Variants in XYLB observed in about 807,000 individuals in gnomAD.
The protein encoded by XYLB is xylulokinase, also known as xylulose kinase.
Under a neutral mutation model 78.7 loss-of-function variants are expected in XYLB, and 62 were observed. The ratio of observed to expected loss-of-function variants is 0.79; its 90% CI spans 0.64 to 0.97. The LOEUF (loss-of-function observed/expected upper bound fraction) is 0.97, where lower values mean the gene tolerates loss of function less well. Ranked by LOEUF, XYLB falls within the 50% of genes least tolerant of loss-of-function variation. The pLI is 0.00. For missense variants in XYLB, 687 were observed against 676.8 expected (o/e 1.02, Z -0.17); for synonymous variants, 245 against 247.4 (o/e 0.99, Z 0.09).
intron 8 of XYLB, among the ~76,000 whole-genome samples, chr3:38,368,490 T>TG (rs896316608): frequency 3.3e-5 from 5 of 152,104 alleles, no homozygotes; most frequent in African/African-American, 1.2e-4. Context: ...GTCAGGAATG[T>TG]GGGGGCAGCT....
intron 13 of XYLB, 138 bp downstream of exon 13, chr3:38,376,370 T>G: frequency 1.5e-6 from 1 of 656,954 alleles, no homozygotes; most frequent in Non-Finnish European, 2.7e-6. Flanking sequence ...TGCACTTATA[T>G]TCCACACATC....
At chr3:38,353,919 T>G (rs1213908850) in intron 2 of XYLB, among the ~76,000 whole-genome samples, 1 of 148,164 alleles carries the variant, frequency 6.7e-6, no homozygotes, top group Non-Finnish European at 1.5e-5. Context: ...CATCTTTACC[T>G]CCATGATTTG....
Position 38,375,226 on chromosome 3 carries a change from C to A in XYLB, c.971C>A (p.Pro324Gln), listed in dbSNP as rs766980634. The A allele has an allele frequency of 3.1e-6, 5 of 1,614,218 alleles. No individual in the cohort carries two copies. In the East Asian group the frequency reaches 1.1e-4, roughly 36 times the overall value. ...PALEGHIFCN[P>Q]VDSQHYMALL... ...CTGGAAGGCCACATCTTCTGCAACC[C>A]GGTTGACTCCCAGCACTACATGGCA... Residue 324 changes from proline (P) to glutamine (Q), a missense_variant, in exon 12 of 19, where the codon CCG becomes CAG. Physicochemically the swap from Pro to Gln is moderately conservative, Grantham distance 76. Coordinates refer to ENST00000207870, the MANE Select transcript of XYLB (RefSeq NM_005108.4).
intron 18 of XYLB, among the ~76,000 whole-genome samples, chr3:38,408,690 AT>A (rs199543530): frequency 0.39 from 58,065 of 149,974 alleles, 13,432 homozygotes; most frequent in Non-Finnish European, 0.53. Flanking sequence ...GCAATAAAAA[AT>A]GATAAAGGGG....
At chr3:38,397,549 G>C (rs1055790135) in intron 17 of XYLB, among the ~76,000 whole-genome samples, 1 of 152,096 alleles carries the variant, frequency 6.6e-6, no homozygotes, top group African/African-American at 2.4e-5. Context: ...AAAGGGGAAG[G>C]CTTCAGGCCC....
chr3:38,356,319 AC>A (rs1705652354), intron 2 of XYLB: 1 of 152,822 alleles, frequency 6.5e-6, no homozygotes, highest in Non-Finnish European at 1.5e-5. Context: ...CATAAAATTC[AC>A]CTTTTAAAAT....
At chr3:38,368,061 G>A (rs1229388887) in intron 7 of XYLB, 124 bp from the exon 8 acceptor site, 6 of 838,386 alleles carry the variant, frequency 7.2e-6, no homozygotes, top group African/African-American at 3.3e-5. Flanking sequence ...CATTACTTGG[G>A]CCTTTTGTTC....
At chr3:38,350,264 A>AT (rs1357964671) in intron 2 of XYLB, among the ~76,000 whole-genome samples, 2 of 152,160 alleles carry the variant, frequency 1.3e-5, no homozygotes, top group African/African-American at 2.4e-5. Context: ...GCTTTCTCAC[A>AT]TTTTTTATTA....
downstream of XYLB, among the ~76,000 whole-genome samples, chr3:38,419,980 C>G (rs559138258): frequency 6.6e-5 from 10 of 152,080 alleles, no homozygotes; most frequent in South Asian, 2.1e-3. Flanking sequence ...CAACCATGCC[C>G]AGCTAATTTT....
At chr3:38,425,446 A>G (rs1709081166), downstream of XYLB, among the ~76,000 whole-genome samples, 1 of 152,254 alleles carries the variant, frequency 6.6e-6, no homozygotes, top group African/African-American at 2.4e-5. Flanking sequence ...AGGAGGATCA[A>G]TGATTATAGG....
downstream of XYLB, among the ~76,000 whole-genome samples, chr3:38,417,165 A>G (rs932324246): frequency 2.6e-5 from 4 of 152,208 alleles, no homozygotes; most frequent in East Asian, 7.7e-4. Context: ...GGCAAGCGTG[A>G]TGGCCCACAC....
Position 38,360,342 on chromosome 3 carries a change from T to G in XYLB, c.144T>G (p.Thr48=). The change falls in exon 3 of 19, where the codon ACT becomes ACG. Residue 48 remains threonine (T), a synonymous_variant. Transcript: ENST00000207870. ...ACATTCTCTGTTGTTCTTGCAGGAC[T>G]CAGGGTGGTGTTCATGTGCACAAGG... ...HFDRDLPEFG[T]QGGVHVHKDG... is the part of the protein sequence containing the mutation. The G allele has an allele frequency of 6.2e-7, 1 of 1,614,096 alleles. No homozygotes were observed. Among genetic ancestry groups the G allele is most frequent in the Non-Finnish European group, 8.5e-7 (1 of 1,179,968 alleles).
intron 15 of XYLB, among the ~76,000 whole-genome samples, chr3:38,384,250 G>A (rs923619577): frequency 1.3e-5 from 2 of 152,090 alleles, no homozygotes; most frequent in African/African-American, 4.8e-5. Flanking sequence ...ATTTTTAGTA[G>A]AGACGGGGTT....
the XYLB span, among the ~76,000 whole-genome samples, chr3:38,445,602 G>T: frequency 6.6e-5 from 10 of 152,198 alleles, no homozygotes; most frequent in African/African-American, 2.2e-4. Context: ...TGGCTACATG[G>T]TCAACCAACA....
At chr3:38,384,806 G>A (rs1707309902) in intron 15 of XYLB, among the ~76,000 whole-genome samples, 2 of 152,066 alleles carry the variant, frequency 1.3e-5, no homozygotes, top group African/African-American at 4.8e-5. Context: ...CATATGGTTC[G>A]ACCTGACACG....
Position 38,362,993 on chromosome 3 carries a change from C to G in XYLB, c.267C>G (p.Val89=), listed in dbSNP as rs962420781. 26 of 1,573,038 alleles carry G rather than the reference C, an allele frequency of 1.7e-5. No individual in the cohort carries two copies. The highest frequency in any genetic ancestry group is 2.2e-5 in the Non-Finnish European group (25 of 1,158,300). ...CTTCGGGCTTCGACTTCTCTCAAGT[C>G]CTAGCCTTGTCCGGGGCGGGCCAGG... ...MKASGFDFSQ[V]LALSGAGQQH... The change falls in exon 4 of 19, where the codon GTC becomes GTG. Residue 89 remains valine (V), a synonymous_variant. Coordinates refer to ENST00000207870, the MANE Select transcript of XYLB (RefSeq NM_005108.4).
At chr3:38,374,387 C>T in intron 10 of XYLB, 75 bp from the exon 11 acceptor site, 1 of 1,606,960 alleles carries the variant, frequency 6.2e-7, no homozygotes, top group Non-Finnish European at 8.5e-7. Flanking sequence ...CTGCGCCTGC[C>T]TGGAGAGCCC....
chr3:38,427,883 T>C, the XYLB span, among the ~76,000 whole-genome samples: 2 of 152,226 alleles, frequency 1.3e-5, no homozygotes, highest in Non-Finnish European at 2.9e-5. Flanking sequence ...TGAGCCACCA[T>C]GCCTGGTCAA....
intron 8 of XYLB, 74 bp downstream of exon 8, chr3:38,368,331 C>T: frequency 7.3e-7 from 1 of 1,373,312 alleles, no homozygotes; most frequent in Non-Finnish European, 1.0e-6. Flanking sequence ...AGTGGGAGCC[C>T]CACCTACCCC....
Sources: gnomAD v4.1 joint callset for allele counts (sites outside exome capture counted in the v4.1 genomes callset) on GRCh38, gnomAD v4.1.1 for gene constraint, MANE v1.5 for transcripts, NCBI Gene and HGNC (gene_info 2026-07-23, HGNC 2026-07-21) for gene names.